The following POMGNT1 variants were observed in gnomAD, a reference collection of about 807,000 sequenced individuals.
POMGNT1 encodes the protein protein O-linked-mannose beta-1,2-N-acetylglucosaminyltransferase 1.
A neutral mutation model predicts 95.6 loss-of-function variants in POMGNT1; 67 were observed. The ratio of observed to expected loss-of-function variants is 0.70; its 90% CI spans 0.58 to 0.86. POMGNT1 has a LOEUF of 0.86. POMGNT1 is among the 40% of genes least tolerant of loss of function. POMGNT1 has a pLI of 0.00. For synonymous variants in POMGNT1, 298 were observed against 317.9 expected (o/e 0.94, Z 0.66); for missense variants, 719 against 855.2 (o/e 0.84, Z 1.99).
exon 1 of POMGNT1, chr1:46,219,890 G>A: frequency 1.2e-6 from 2 of 1,613,872 alleles, no homozygotes; most frequent in Non-Finnish European, 1.7e-6. Context: ...GGGACAGCCT[G>A]CCAGACACCA....
At chr1:46,220,104 C>T (rs762267109) in exon 1 of POMGNT1, 23 of 1,614,178 alleles carry the variant, frequency 1.4e-5, no homozygotes, top group Non-Finnish European at 1.8e-5. Context: ...GTGGAAGCCC[C>T]CAGGGGAGAG....
upstream of POMGNT1, among the ~76,000 whole-genome samples, chr1:46,200,517 A>G (rs1458956923): frequency 6.6e-6 from 1 of 152,244 alleles, no homozygotes; most frequent in Non-Finnish European, 1.5e-5. Context: ...TGACCAGTCC[A>G]GGTATGTCTT....
At chr1:46,208,858 TAAATA>T (rs1658805534) in intron 1 of POMGNT1, among the ~76,000 whole-genome samples, 1 of 151,354 alleles carries the variant, frequency 6.6e-6, no homozygotes. Context: ...GAAAAATAAA[TAAATA>T]AAATAAATAA....
chr1:46,200,564 T>C (rs976565489), upstream of POMGNT1, among the ~76,000 whole-genome samples: 1 of 152,262 alleles, frequency 6.6e-6, no homozygotes, highest in African/African-American at 2.4e-5. Flanking sequence ...ACACAAAGGC[T>C]GGCACATAGT....
Position 46,192,582 on chromosome 1 carries a change from C to T in POMGNT1, c.1220G>A (p.Ser407Asn), listed in dbSNP as rs749285030. The stretch of plus-strand genomic sequence containing the variant: ...CTCCTCCAGTAGGTGGATGGATTGG[C>T]TCAGGAAACTGAGAGAGGCAGGGTC... Reference protein sequence around the residue: ...DIAVDFFSFLSQSIHLLEEDD... With the variant: ...DIAVDFFSFLNQSIHLLEEDD... The change falls in exon 15 of 22, where the codon AGC becomes AAC. Residue 407 changes from serine (S) to asparagine (N), a missense_variant. Ser to Asn is a conservative substitution (Grantham distance 46). Coordinates refer to ENST00000371984, the MANE Select transcript of POMGNT1 (RefSeq NM_017739.4). The T allele has an allele frequency of 4.3e-6, 7 of 1,614,064 alleles. No individual in the cohort carries two copies. In the East Asian group the frequency reaches 1.6e-4, roughly 36 times the overall value.
intron 1 of POMGNT1, among the ~76,000 whole-genome samples, chr1:46,204,136 G>A (rs527590830): frequency 1.3e-5 from 2 of 152,228 alleles, no homozygotes. Context: ...AACCTTCTCC[G>A]TTTCCTCTAC....
intron 11 of POMGNT1, 26 bp downstream of exon 11, chr1:46,193,538 C>T (rs760791330): frequency 2.5e-6 from 4 of 1,614,034 alleles, no homozygotes; most frequent in South Asian, 2.2e-5. Context: ...GTACTCCACC[C>T]GAGGCACCCC....
At chr1:46,191,127 C>A in intron 17 of POMGNT1, 2 of 356,200 alleles carry the variant, frequency 5.6e-6, no homozygotes, top group East Asian at 7.1e-5. Context: ...AGGTGGTGGG[C>A]AAAGGGACGG....
chr1:46,196,808 T>C lies in POMGNT1; in HGVS notation c.277A>G (p.Ser93Gly), dbSNP rs751402236. The change falls in exon 4 of 22, where the codon AGT becomes GGT. Residue 93 changes from serine (S) to glycine (G), a missense_variant. By Grantham distance (56) the Ser-to-Gly change is moderately conservative (BLOSUM62 0). This residue lies in a region of POMGNT1 where 466 missense variants were observed against 517.4 expected (regional missense o/e 0.90). Coordinates refer to ENST00000371984, the MANE Select transcript of POMGNT1 (RefSeq NM_017739.4). The surrounding 1 kb of genome is among the most constrained non-coding windows in gnomAD (Gnocchi z 4.4). ...GRLEPPRRRG[S>G]GPRRVLDVEV... ...ACGTCCAGGACCCGCCGGGGACCACTGCCTCTGCGCCGTGGGGGCTCCAGG... is the reference window on the plus strand; with the variant it reads ...ACGTCCAGGACCCGCCGGGGACCACCGCCTCTGCGCCGTGGGGGCTCCAGG... The C allele has an allele frequency of 3.3e-5, 53 of 1,614,100 alleles. No homozygotes were observed. Among genetic ancestry groups the C allele is most frequent in the Non-Finnish European group, 4.2e-5 (50 of 1,180,046 alleles).
intron 1 of POMGNT1, among the ~76,000 whole-genome samples, chr1:46,204,160 A>G (rs1658639643): frequency 6.6e-6 from 1 of 152,164 alleles, no homozygotes; most frequent in South Asian, 2.1e-4. Flanking sequence ...CCCCAGCCCT[A>G]CTTAAAATAA....
chr1:46,210,941 ATTTT>A (rs34921411), intron 1 of POMGNT1, among the ~76,000 whole-genome samples: 1 of 134,442 alleles, frequency 7.4e-6, no homozygotes, highest in African/African-American at 2.8e-5. Flanking sequence ...CACTCACCTA[ATTTT>A]TTTTTTTTTT....
At chr1:46,220,176 C>T (rs768893523) in exon 1 of POMGNT1, 4 of 1,613,902 alleles carry the variant, frequency 2.5e-6, no homozygotes, top group South Asian at 2.2e-5. Flanking sequence ...CTTCGAGGCC[C>T]ACTGGTTCTG....
At position 46,197,696 on chromosome 1, in the gene POMGNT1, C is replaced by G. The variant is rs1344774466; in HGVS notation, c.120+6G>C. ...TCGGTGGGGAGGGTTTGGGACATCT[C>G]TATACCTGACAGAATCTCCGCAGGG... On this transcript the variant is annotated splice_donor_region_variant and intron_variant, in intron 2 of 21. Transcript: ENST00000371984. 8.7e-6 allele frequency: 14 copies of G among 1,613,960 alleles called. No individual in the cohort carries two copies. Among genetic ancestry groups the G allele is most frequent in the African/African-American group, 1.3e-5 (1 of 74,896 alleles).
intron 1 of POMGNT1, among the ~76,000 whole-genome samples, chr1:46,216,131 C>T (rs1382089534): frequency 7.2e-6 from 1 of 139,272 alleles, no homozygotes; most frequent in Non-Finnish European, 1.5e-5. Flanking sequence ...ACTGCAGGCT[C>T]CGCCCCCCAG....
At chr1:46,220,280 C>A (rs1659200700) in exon 1 of POMGNT1, 3 of 1,500,188 alleles carry the variant, frequency 2.0e-6, no homozygotes, top group East Asian at 2.3e-5. Context: ...TGGTCTCCCC[C>A]AAAATTGATT....
At chr1:46,214,301 G>A (rs927290965) in intron 1 of POMGNT1, among the ~76,000 whole-genome samples, 3 of 150,348 alleles carry the variant, frequency 2.0e-5, no homozygotes, top group African/African-American at 2.5e-5. Context: ...AGCCGAGATC[G>A]TGCCACTGCA....
At position 46,193,655 on chromosome 1, in the gene POMGNT1, A is replaced by G. The variant is rs763349562; in HGVS notation, c.951-16T>C. 3 of 1,614,034 alleles carry G rather than the reference A, an allele frequency of 1.9e-6. No homozygotes were observed. The Admixed American group carries it at 5.0e-5, about 27-fold the overall frequency. ...GCGCAGCATCCTGGGGAGCCCAGGG[A>G]TAGGTTAGGGTCACTTCATCACCCC... On this transcript the variant is annotated splice_polypyrimidine_tract_variant and intron_variant, in intron 10 of 21. Coordinates refer to ENST00000371984, the MANE Select transcript of POMGNT1 (RefSeq NM_017739.4).
chr1:46,193,420 G>C, intron 11 of POMGNT1, 32 bp from the exon 12 acceptor site: 1 of 1,607,444 alleles, frequency 6.2e-7, no homozygotes, highest in Non-Finnish European at 8.5e-7. Context: ...CACCATGTGA[G>C]GTCACTTTCC....
Position 46,195,782 on chromosome 1 carries a change from GGGGTCA to G in POMGNT1, c.534+23_534+28del, listed in dbSNP as rs529485839. The G allele has an allele frequency of 5.2e-6, 8 of 1,552,658 alleles. No homozygotes were observed. The East Asian group carries it at 1.9e-4, about 37-fold the overall frequency. ...GAAGCAGGGTTGGAGCTAGGGAGTA[GGGGTCA>G]GGGTCAGGACAGAATAACTGACCTT... On this transcript the variant is annotated intron_variant, in intron 6 of 21. Coordinates refer to ENST00000371984, the MANE Select transcript of POMGNT1 (RefSeq NM_017739.4).
Sources: gnomAD v4.1 joint callset for allele counts (sites outside exome capture counted in the v4.1 genomes callset) on GRCh38, gnomAD v4.1.1 for gene constraint, gnomAD v4.1.1 regional missense constraint, Gnocchi (gnomAD v3.1) non-coding constraint, MANE v1.5 for transcripts, NCBI Gene and HGNC (gene_info 2026-07-23, HGNC 2026-07-21) for gene names.